The following SETX variants were observed in gnomAD, a reference collection of about 807,000 sequenced individuals.
SETX encodes the protein senataxin.
A neutral mutation model predicts 227.2 loss-of-function variants in SETX; 90 were observed. The ratio of observed to expected loss-of-function variants is 0.40; its 90% CI spans 0.33 to 0.47. The LOEUF is 0.47. Ranked by LOEUF, SETX falls within the 20% of genes least tolerant of loss-of-function variation. SETX has a pLI of 0.91. For missense variants in SETX, 3,052 were observed against 3,181.5 expected (o/e 0.96, Z 0.98); for synonymous variants, 1,210 against 1,113.2 (o/e 1.09, Z -1.73).
In SETX at chr9:132,328,558, TAAC is replaced by T. The variant is rs1365385956; in HGVS notation, c.3037_3039del (p.Val1013del). On this transcript the variant is annotated inframe_deletion, in exon 10 of 26. Coordinates refer to ENST00000224140, the MANE Select transcript of SETX (RefSeq NM_015046.7). ...TCATCATCAGAATCTGAAATAATAA[TAAC>T]CTGTCCACGGGAGGTATCTCCAACA... 1 of 1,613,956 alleles carries T rather than the reference TAAC, an allele frequency of 6.2e-7. No homozygotes were observed. Among genetic ancestry groups the T allele is most frequent in the African/African-American group, 1.3e-5 (1 of 74,940 alleles).
rs763326152 is a variant in SETX, at chr9:132,278,227, T to C, written c.6685A>G (p.Met2229Val). 1.2e-6 allele frequency: 2 copies of C among 1,614,188 alleles called. No individual in the cohort carries two copies. Among genetic ancestry groups the C allele is most frequent in the Non-Finnish European group, 1.7e-6 (2 of 1,180,028 alleles). The change falls in exon 21 of 26, where the codon ATG (methionine) becomes GTG (valine). Residue 2229 changes from methionine (M) to valine (V), a missense_variant. Met to Val is a conservative substitution (Grantham distance 21, BLOSUM62 1). Around this residue, in one of 10 missense-constraint regions of SETX, gnomAD observed 412 missense variants for 589.0 expected, o/e 0.70. Coordinates refer to ENST00000224140, the MANE Select transcript of SETX (RefSeq NM_015046.7). ...AGCAGTCTGCAGAAGCGAGCCATCATTGACTGGTCGTAGCCATACTCCTGT... is the reference window on the plus strand; with the variant it reads ...AGCAGTCTGCAGAAGCGAGCCATCACTGACTGGTCGTAGCCATACTCCTGT... The part of the protein sequence containing the change: ...KAQEYGYDQS[M>V]MARFCRLLEE...
At chr9:132,331,688 T>C (rs866100101) in intron 7 of SETX, among the ~76,000 whole-genome samples, 61 of 148,842 alleles carry the variant, frequency 4.1e-4, no homozygotes, top group Middle Eastern at 3.5e-3. Flanking sequence ...AAAAAAAAAA[T>C]TTAGTGGCAA....
chr9:132,269,092 T>C (rs1231207987), intron 25 of SETX, among the ~76,000 whole-genome samples: 2 of 152,256 alleles, frequency 1.3e-5, no homozygotes, highest in South Asian at 2.1e-4. Context: ...AATTAAGCTG[T>C]ACCATTTGTC....
chr9:132,352,668 T>G (rs556689702), intron 2 of SETX, among the ~76,000 whole-genome samples: 13 of 152,346 alleles, frequency 8.5e-5, no homozygotes, highest in Non-Finnish European at 1.6e-4. Context: ...AATGATGCAC[T>G]GTTCCACCTA....
At position 132,328,266 on chromosome 9, in the gene SETX, A is replaced by C. The variant is rs1564541841; in HGVS notation, c.3332T>G (p.Leu1111Trp). 20 of 1,614,016 alleles carry C rather than the reference A, an allele frequency of 1.2e-5. No individual in the cohort carries two copies. The highest frequency in any genetic ancestry group is 1.7e-5 in the Non-Finnish European group (20 of 1,180,026). ...ATTTGTAGTATTGGCTATAGGAGCC[A>C]AACATTTTTTCTCACCATCTTGAAC... ...NSVQDGEKKCLAPIANTTNGQ... is the reference protein window; with the variant it reads ...NSVQDGEKKCWAPIANTTNGQ... The change falls in exon 10 of 26, where the codon TTG (leucine) becomes TGG (tryptophan). Residue 1111 changes from leucine to tryptophan, a missense_variant. By Grantham distance (61) the Leu-to-Trp change is moderately conservative (BLOSUM62 -2). This residue lies in a region of SETX where 1,483 missense variants were observed against 1,312.0 expected (regional missense o/e 1.13). Coordinates refer to ENST00000224140, the MANE Select transcript of SETX (RefSeq NM_015046.7).
intron 5 of SETX, among the ~76,000 whole-genome samples, chr9:132,342,464 G>A (rs996809564): frequency 7.2e-5 from 11 of 152,146 alleles, no homozygotes; most frequent in South Asian, 4.1e-4. Context: ...AGTTATTCCC[G>A]TTTGTCTTTT....
chr9:132,340,725 C>T (rs1847907074), intron 5 of SETX, among the ~76,000 whole-genome samples: 1 of 152,172 alleles, frequency 6.6e-6, no homozygotes, highest in African/African-American at 2.4e-5. Context: ...TGTCTCAGTG[C>T]CTCACAAATA....
chr9:132,327,590 G>C lies in SETX; in HGVS notation c.4008C>G (p.Val1336=). 1 of 1,614,074 alleles carries C rather than the reference G, an allele frequency of 6.2e-7. No homozygotes were observed. Among genetic ancestry groups the C allele is most frequent in the East Asian group, 2.2e-5 (1 of 44,892 alleles). The change falls in exon 10 of 26, where the codon GTC becomes GTG. Residue 1336 remains valine, a synonymous_variant. Transcript: ENST00000224140. ...TAGTCAGAAGTTTCTTATTATTTCTGACAGACAGGTTCTGAGGAGAAATTA... is the reference window on the plus strand; with the variant it reads ...TAGTCAGAAGTTTCTTATTATTTCTCACAGACAGGTTCTGAGGAGAAATTA... ...TKLISPQNLS[V]RNNKKLLTSQ...
In SETX at chr9:132,296,046, T is replaced by G; in HGVS notation, c.5950-18A>C. ...CTCTGGTTCTACAATTTGCCACATA[T>G]ACATACCAAACAAACACACAAAAAA... On this transcript the variant is annotated intron_variant, in intron 14 of 25. Coordinates refer to ENST00000224140, the MANE Select transcript of SETX (RefSeq NM_015046.7). 1 of 1,614,192 alleles carries G rather than the reference T, an allele frequency of 6.2e-7. No individual in the cohort carries two copies. The highest frequency in any genetic ancestry group is 1.1e-5 in the South Asian group (1 of 91,086).
rs776337265 is a variant in SETX at position 132,328,441 on chromosome 9, C to T, written c.3157G>A (p.Val1053Ile). 2 of 1,613,792 alleles carry T rather than the reference C, an allele frequency of 1.2e-6. No individual in the cohort carries two copies. Among genetic ancestry groups the T allele is most frequent in the Non-Finnish European group, 1.7e-6 (2 of 1,179,954 alleles). Reference sequence around the variant, plus strand: ...GGATTCTTTTCCTCCTTACTATTAACTGTTGAAACGTGCTGCTCTGGATGT... The same window carrying T: ...GGATTCTTTTCCTCCTTACTATTAATTGTTGAAACGTGCTGCTCTGGATGT... ...REHPEQHVST[V>I]NSKEEKNPVK... Residue 1053 changes from valine (V) to isoleucine (I), a missense_variant, in exon 10 of 26, where the codon GTT becomes ATT. Coordinates refer to ENST00000224140, the MANE Select transcript of SETX (RefSeq NM_015046.7).
chr9:132,281,172 G>A (rs956895496), intron 20 of SETX, among the ~76,000 whole-genome samples: 3 of 152,182 alleles, frequency 2.0e-5, no homozygotes, highest in African/African-American at 7.2e-5. Flanking sequence ...ACTTAAAAAA[G>A]GCAGACATGC....
At chr9:132,301,065 T>C (rs1844965355) in intron 11 of SETX, among the ~76,000 whole-genome samples, 2 of 151,656 alleles carry the variant, frequency 1.3e-5, no homozygotes, top group South Asian at 4.2e-4. Context: ...CTAATAAATT[T>C]TCTTTCCTTT....
intron 17 of SETX, 21 bp downstream of exon 17, chr9:132,288,215 A>G: frequency 6.3e-7 from 1 of 1,593,432 alleles, no homozygotes; most frequent in Non-Finnish European, 8.6e-7. Flanking sequence ...CTGAGTTATT[A>G]TTCAAGAAAT....
chr9:132,283,496 AC>A, intron 18 of SETX, 83 bp from the exon 19 acceptor site: 1 of 1,484,242 alleles, frequency 6.7e-7, no homozygotes, highest in Non-Finnish European at 9.4e-7. Flanking sequence ...TAAAACACTC[AC>A]TATTTATTAA....
chr9:132,306,548 TTC>T (rs1214341141), intron 11 of SETX, among the ~76,000 whole-genome samples: 1 of 152,052 alleles, frequency 6.6e-6, no homozygotes, highest in Non-Finnish European at 1.5e-5. Context: ...TATCATTTTT[TTC>T]TCTGTGGGTT....
intron 18 of SETX, among the ~76,000 whole-genome samples, chr9:132,285,538 A>T (rs1027304731): frequency 2.6e-5 from 4 of 151,852 alleles, no homozygotes; most frequent in African/African-American, 9.7e-5. Context: ...TTGAGGTTGG[A>T]CGTTCCAGAC....
In SETX at chr9:132,288,755, G is replaced by A; in HGVS notation, c.6107-104C>T. 4.9e-6 allele frequency: 4 copies of A among 811,400 alleles called. No homozygotes were observed. The Admixed American group carries it at 8.2e-5, about 17-fold the overall frequency. The allele number at this position is 811,400 out of a possible 1,614,324, so 50.3% of individuals were successfully genotyped here. ...CTAAGTAAATATGTTAATAATCAGA[G>A]AAGGGAGCAAACATGAACTTCCAAT... On this transcript the variant is annotated intron_variant, in intron 15 of 25. Coordinates refer to ENST00000224140, the MANE Select transcript of SETX (RefSeq NM_015046.7).
chr9:132,310,056 T>C (rs902288223), intron 11 of SETX, among the ~76,000 whole-genome samples: 1 of 152,044 alleles, frequency 6.6e-6, no homozygotes, highest in African/African-American at 2.4e-5. Context: ...CCAGATTATA[T>C]AAAGAACTCC....
chr9:132,351,638 G>C (rs535868), intron 2 of SETX, among the ~76,000 whole-genome samples: 105,299 of 152,144 alleles, frequency 0.69, 39,250 homozygotes, highest in Non-Finnish European at 0.84. Flanking sequence ...AAGGCTGTGT[G>C]TGTGGTTTTG....
Sources: gnomAD v4.1 joint callset for allele counts (sites outside exome capture counted in the v4.1 genomes callset) on GRCh38, gnomAD v4.1.1 for gene constraint, gnomAD v4.1.1 regional missense constraint, MANE v1.5 for transcripts, NCBI Gene and HGNC (gene_info 2026-07-23, HGNC 2026-07-21) for gene names.